KALRN: variants seen among roughly 807,000 people sequenced by gnomAD.
KALRN encodes kalirin.
In KALRN, 70 loss-of-function variants were observed where a neutral mutation model predicts 353.7. The ratio of observed to expected loss-of-function variants is 0.20; its 90% CI spans 0.16 to 0.24. The LOEUF is 0.24. Ranked by LOEUF, KALRN falls within the 10% of genes least tolerant of loss-of-function variation. The probability of loss-of-function intolerance (pLI) is 1.00; values close to 1 mark genes in which losing one functional copy is unlikely to be tolerated. For missense variants in KALRN, 2,791 were observed against 3,756.7 expected, an observed-to-expected ratio of 0.74 and a Z score of 6.72; for synonymous variants, 1,391 against 1,434.8, an observed-to-expected ratio of 0.97 and a Z score of 0.69.
intron 33 of KALRN, among the ~76,000 whole-genome samples, chr3:124,498,291 G>A (rs2064107564): frequency 6.6e-6 from 1 of 152,210 alleles, no homozygotes; most frequent in South Asian, 2.1e-4. Flanking sequence ...GCTGGATGCT[G>A]TAGAGAGATG....
chr3:124,477,396 G>T (rs939860594), intron 27 of KALRN, 62 bp downstream of exon 27: 18 of 1,190,252 alleles, frequency 1.5e-5, no homozygotes, highest in Middle Eastern at 1.9e-4. Flanking sequence ...CTCTGCTTTG[G>T]CATAATGGAT....
At chr3:124,205,778 C>T (rs904624377) in intron 1 of KALRN, among the ~76,000 whole-genome samples, 2 of 152,094 alleles carry the variant, frequency 1.3e-5, no homozygotes, top group African/African-American at 2.4e-5. Flanking sequence ...GATACTTTCA[C>T]GTGTGTTTGT....
chr3:124,126,075 G>A (rs558522448), intron 1 of KALRN, among the ~76,000 whole-genome samples: 6 of 152,216 alleles, frequency 3.9e-5, no homozygotes, highest in Non-Finnish European at 7.4e-5. Flanking sequence ...TGCCTTCATC[G>A]TTTGCCTTGA....
chr3:124,352,795 A>G (rs1174491281), intron 10 of KALRN, among the ~76,000 whole-genome samples: 1 of 152,132 alleles, frequency 6.6e-6, no homozygotes. Flanking sequence ...GTTCTCACTC[A>G]TAAGTGGGAA....
intron 37 of KALRN, among the ~76,000 whole-genome samples, chr3:124,637,808 G>A (rs957570282): frequency 5.9e-5 from 9 of 152,204 alleles, no homozygotes; most frequent in Non-Finnish European, 7.3e-5. Context: ...AATAAATTAA[G>A]AGAGTCAGTG....
chr3:124,059,145 C>T (rs939417259), intron 1 of KALRN, among the ~76,000 whole-genome samples: 1 of 152,108 alleles, frequency 6.6e-6, no homozygotes, highest in East Asian at 1.9e-4. Context: ...TTCTGTGGCA[C>T]CCTTACGTGA....
At position 124,488,200 on chromosome 3, in the gene KALRN, C is replaced by G; in HGVS notation, c.4285-4C>G. The G allele has an allele frequency of 6.2e-7, 1 of 1,603,076 alleles. No individual in the cohort carries two copies. Among genetic ancestry groups the G allele is most frequent in the Non-Finnish European group, 8.5e-7 (1 of 1,172,718 alleles). On this transcript the variant is annotated splice_polypyrimidine_tract_variant and splice_region_variant and intron_variant, in intron 28 of 59. Transcript: ENST00000682506. ...TAATTATGTCCGGACTTTTTTTTCC[C>G]CAGGAACTTTTAACTTGCTGTGAAG...
chr3:124,696,375 C>A (rs333280), intron 54 of KALRN, 120 bp downstream of exon 54: 499,748 of 815,872 alleles, frequency 0.61, 154,144 homozygotes, highest in East Asian at 0.9. Flanking sequence ...GGCTCAAGCA[C>A]TCCAACCACC....
At chr3:124,633,096 G>A (rs550509422) in intron 35 of KALRN, among the ~76,000 whole-genome samples, 1 of 152,332 alleles carries the variant, frequency 6.6e-6, no homozygotes, top group East Asian at 1.9e-4. Flanking sequence ...CTGTTTTCAA[G>A]TCTCTTGAGC....
chr3:124,539,927 G>T (rs1479664422), intron 33 of KALRN, among the ~76,000 whole-genome samples: 3 of 141,456 alleles, frequency 2.1e-5, no homozygotes, highest in African/African-American at 5.7e-5. Context: ...TTTTTTGGGG[G>T]GGGGGACAGG....
intron 34 of KALRN, among the ~76,000 whole-genome samples, chr3:124,578,430 A>G (rs2074323415): frequency 6.6e-6 from 1 of 152,240 alleles, no homozygotes; most frequent in Non-Finnish European, 1.5e-5. Context: ...CATGGCAGGC[A>G]GTGGAAGAAT....
intron 10 of KALRN, among the ~76,000 whole-genome samples, chr3:124,356,997 C>T (rs763868046): frequency 6.6e-5 from 10 of 152,102 alleles, no homozygotes; most frequent in Non-Finnish European, 1.3e-4. Context: ...TCCTAAACTC[C>T]GTGTGTCCAA....
chr3:124,053,408 T>A (rs556934762), intron 1 of KALRN, among the ~76,000 whole-genome samples: 1 of 152,306 alleles, frequency 6.6e-6, no homozygotes, highest in Admixed American at 6.5e-5. Context: ...GTCTAGTTGA[T>A]GTTGGGATTG....
chr3:124,325,161 A>C (rs2079754491), intron 6 of KALRN, among the ~76,000 whole-genome samples: 1 of 152,184 alleles, frequency 6.6e-6, no homozygotes, highest in South Asian at 2.1e-4. Flanking sequence ...TTAATTAGCA[A>C]GTAAAGATGG....
intron 59 of KALRN, 37 bp downstream of exon 59, chr3:124,717,422 C>T (rs779139469): frequency 6.6e-7 from 1 of 1,516,502 alleles, no homozygotes; most frequent in Non-Finnish European, 8.9e-7. Context: ...CGCAGTGGCT[C>T]ACGCCTGAAA....
At chr3:124,582,595 CTACTT>C (rs1006722010) in intron 34 of KALRN, among the ~76,000 whole-genome samples, 3 of 152,250 alleles carry the variant, frequency 2.0e-5, no homozygotes, top group Admixed American at 6.5e-5. Flanking sequence ...AAACAGGACA[CTACTT>C]TACAAGGTTT....
intron 3 of KALRN, among the ~76,000 whole-genome samples, chr3:124,237,749 T>C (rs4678095): frequency 0.39 from 59,981 of 152,048 alleles, 13,399 homozygotes; most frequent in Non-Finnish European, 0.51. Flanking sequence ...AGATTGAGGA[T>C]TTGTGGTGAA....
intron 33 of KALRN, among the ~76,000 whole-genome samples, chr3:124,559,344 G>A (rs1012714651): frequency 6.6e-6 from 1 of 152,216 alleles, no homozygotes; most frequent in African/African-American, 2.4e-5. Context: ...CAAGGAGTTG[G>A]ATGGTGACTC....
intron 34 of KALRN, among the ~76,000 whole-genome samples, chr3:124,625,834 A>C (rs1167232062): frequency 6.6e-6 from 1 of 152,244 alleles, no homozygotes; most frequent in Non-Finnish European, 1.5e-5. Flanking sequence ...TAATCCCAGC[A>C]CTTTGGGAGG....
Sources: allele counts gnomAD v4.1 joint callset (sites outside exome capture counted in the v4.1 genomes callset), GRCh38; gene constraint gnomAD v4.1.1; transcripts MANE v1.5; gene names NCBI Gene and HGNC (gene_info 2026-07-23, HGNC 2026-07-21).